DIPK1A: variants seen among roughly 807,000 people sequenced by gnomAD.
DIPK1A encodes family with sequence similarity 69 member A.
A neutral mutation model predicts 40.8 loss-of-function variants in DIPK1A; 27 were observed. The observed-to-expected ratio is 0.66, with a 90% CI of 0.49 to 0.91. DIPK1A has a LOEUF of 0.91. DIPK1A is among the 40% of genes least tolerant of loss of function. The pLI, the probability that DIPK1A is intolerant of heterozygous loss-of-function variation, is 0.00. For synonymous variants in DIPK1A, 166 were observed against 171.3 expected (o/e 0.97, Z 0.24); for missense variants, 412 against 505.7 (o/e 0.81, Z 1.78).
chr1:92,959,903 CTTTTTTTTTT>C (rs1157142089), intron 1 of DIPK1A, among the ~76,000 whole-genome samples: 2 of 47,892 alleles, frequency 4.2e-5, no homozygotes, highest in Non-Finnish European at 6.5e-5. Context: ...ACCCAACCAA[CTTTTTTTTTT>C]TTTTTTTTTT....
Position 92,847,193 on chromosome 1 carries a change from C to T in DIPK1A, c.464G>A (p.Ser155Asn). 1 of 1,558,098 alleles carries T rather than the reference C, an allele frequency of 6.4e-7. No homozygotes were observed. The highest frequency in any genetic ancestry group is 8.7e-7 in the Non-Finnish European group (1 of 1,149,976). ...TVQKFKEMVY[S>N]LFKAKLGDQG... ...AATGGGTATGCTTACCTTAAAGAGACTATAGACCATTTCTTTAAATTTTTG... is the reference window on the plus strand; with the variant it reads ...AATGGGTATGCTTACCTTAAAGAGATTATAGACCATTTCTTTAAATTTTTG... The change falls in exon 4 of 5, where the codon AGT (serine) becomes AAT (asparagine). Residue 155 changes from serine (S) to asparagine (N), a missense_variant. By Grantham distance (46) the Ser-to-Asn change is conservative (BLOSUM62 1). Transcript: ENST00000370310.
chr1:92,843,893 C>T lies in DIPK1A; in HGVS notation c.777G>A (p.Gln259=). The T allele has an allele frequency of 6.4e-7, 1 of 1,551,736 alleles. No individual in the cohort carries two copies. The highest frequency in any genetic ancestry group is 8.7e-7 in the Non-Finnish European group (1 of 1,147,002). The part of the protein sequence containing the change: ...IPSGFRRSMD[Q]LFTPSWPRKA... ...TTCTTGGCCATGATGGTGTGAACAGCTGATCCATGCTTCTTCTGAACCCAG... is the reference window on the plus strand; with the variant it reads ...TTCTTGGCCATGATGGTGTGAACAGTTGATCCATGCTTCTTCTGAACCCAG... The change falls in exon 5 of 5, where the codon CAG becomes CAA. Residue 259 remains glutamine (Q), a synonymous_variant. Coordinates refer to ENST00000370310, the MANE Select transcript of DIPK1A (RefSeq NM_001006605.5).
intron 1 of DIPK1A, among the ~76,000 whole-genome samples, chr1:92,884,363 G>A (rs1315541857): frequency 1.3e-5 from 2 of 152,052 alleles, no homozygotes; most frequent in African/African-American, 2.4e-5. Flanking sequence ...TGAGGTAGGA[G>A]GATTGCTTAA....
At chr1:92,865,539 T>C (rs528813991) in intron 2 of DIPK1A, among the ~76,000 whole-genome samples, 73 of 152,376 alleles carry the variant, frequency 4.8e-4, no homozygotes, top group Admixed American at 1.2e-3. Flanking sequence ...TAAGTTAACA[T>C]TGGCTTTTCT....
At chr1:92,853,190 A>ATGAAGGAGAATGGGAAC (rs1164386759) in intron 2 of DIPK1A, among the ~76,000 whole-genome samples, 1 of 152,230 alleles carries the variant, frequency 6.6e-6, no homozygotes, top group African/African-American at 2.4e-5. Flanking sequence ...CCATGTCCAT[A>ATGAAGGAGAATGGGAAC]TGAAGGAGAA....
chr1:92,957,207 A>G (rs1651887501), intron 1 of DIPK1A, among the ~76,000 whole-genome samples: 1 of 152,244 alleles, frequency 6.6e-6, no homozygotes, highest in South Asian at 2.1e-4. Flanking sequence ...TGTAGAAAAC[A>G]CACTGCTAAA....
At position 92,833,609 on chromosome 1, in the gene DIPK1A, A is replaced by C. The variant is rs1310224340; in HGVS notation, c.475-575T>G. ...TACAAGATAAAAATAAATACAACACACCCAAATACAGGATGATAGTTCGTG... is the reference window on the plus strand; with the variant it reads ...TACAAGATAAAAATAAATACAACACCCCCAAATACAGGATGATAGTTCGTG... On this transcript the variant is annotated intron_variant, in intron 4 of 4. Coordinates refer to the DIPK1A transcript ENST00000615519. 6.2e-7 allele frequency: 1 copy of C among 1,612,598 alleles called. No homozygotes were observed. Among genetic ancestry groups the C allele is most frequent in the East Asian group, 2.2e-5 (1 of 44,884 alleles).
At chr1:92,910,371 C>A (rs1284493800) in intron 1 of DIPK1A, among the ~76,000 whole-genome samples, 1 of 152,136 alleles carries the variant, frequency 6.6e-6, no homozygotes, top group East Asian at 1.9e-4. Context: ...CCTACTGAAT[C>A]AGAATCCGTA....
At chr1:92,893,001 G>A (rs1178891215) in intron 1 of DIPK1A, among the ~76,000 whole-genome samples, 3 of 152,114 alleles carry the variant, frequency 2.0e-5, no homozygotes, top group African/African-American at 4.8e-5. Flanking sequence ...ATGTGACTAT[G>A]TGAAAAGACC....
chr1:92,870,075 TACACACACACAC>T (rs3221733), intron 2 of DIPK1A, among the ~76,000 whole-genome samples: 8 of 66,454 alleles, frequency 1.2e-4, no homozygotes, highest in South Asian at 9.2e-4. Flanking sequence ...GAATTATATA[TACACACACACAC>T]ACACACACAC....
chr1:92,844,909 T>TTATTTCTA (rs1687523722), intron 4 of DIPK1A, among the ~76,000 whole-genome samples: 1 of 151,624 alleles, frequency 6.6e-6, no homozygotes, highest in Non-Finnish European at 1.5e-5. Context: ...AAACTTTGTT[T>TTATTTCTA]TATTTCTATT....
chr1:92,852,724 A>G (rs930441040), intron 2 of DIPK1A, among the ~76,000 whole-genome samples: 4 of 151,932 alleles, frequency 2.6e-5, no homozygotes, highest in African/African-American at 9.7e-5. Context: ...GGAAAGACAG[A>G]CAGGGATAAA....
intron 4 of DIPK1A, among the ~76,000 whole-genome samples, chr1:92,844,599 T>C (rs1687513298): frequency 6.6e-6 from 1 of 152,166 alleles, no homozygotes; most frequent in African/African-American, 2.4e-5. Flanking sequence ...TAAAAATTAT[T>C]TTCCTTTTTT....
chr1:92,871,071 T>G (rs1281199100), intron 2 of DIPK1A, among the ~76,000 whole-genome samples: 2 of 152,214 alleles, frequency 1.3e-5, no homozygotes, highest in African/African-American at 2.4e-5. Flanking sequence ...ATCTGTGACA[T>G]CTTTCATCTT....
At chr1:92,877,887 T>TG (rs1648198325) in intron 1 of DIPK1A, among the ~76,000 whole-genome samples, 1 of 152,214 alleles carries the variant, frequency 6.6e-6, no homozygotes, top group South Asian at 2.1e-4. Context: ...TAAGATTAAA[T>TG]GACATAATGC....
downstream of DIPK1A, chr1:92,842,101 T>C (rs1687389393): frequency 3.7e-6 from 3 of 813,230 alleles, no homozygotes; most frequent in Admixed American, 8.3e-5. Flanking sequence ...CATTATCCCT[T>C]ATGTTGTATG....
At chr1:92,885,586 C>G (rs972207864) in intron 1 of DIPK1A, among the ~76,000 whole-genome samples, 5 of 152,160 alleles carry the variant, frequency 3.3e-5, no homozygotes, top group African/African-American at 1.2e-4. Flanking sequence ...TAACTGCTGA[C>G]CTCAGGTGAT....
At chr1:92,865,041 CAAAA>C (rs56735279) in intron 2 of DIPK1A, among the ~76,000 whole-genome samples, 16 of 70,452 alleles carry the variant, frequency 2.3e-4, no homozygotes, top group African/African-American at 8.8e-4. Context: ...GACTCCGTCT[CAAAA>C]AAAAAAAAAA....
intron 1 of DIPK1A, among the ~76,000 whole-genome samples, chr1:92,912,497 A>G (rs1649870666): frequency 6.6e-6 from 1 of 152,182 alleles, no homozygotes; most frequent in Admixed American, 6.5e-5. Context: ...GGGAAAATGC[A>G]GAGAACTAAA....
Sources: gnomAD v4.1 joint callset for allele counts (sites outside exome capture counted in the v4.1 genomes callset) on GRCh38, gnomAD v4.1.1 for gene constraint, MANE v1.5 for transcripts, NCBI Gene and HGNC (gene_info 2026-07-23, HGNC 2026-07-21) for gene names.